THBS4: variants seen among roughly 807,000 people sequenced by gnomAD.
THBS4 encodes thrombospondin 4.
In THBS4, 90 loss-of-function variants were observed where a neutral mutation model predicts 115.7. The ratio of observed to expected loss-of-function variants is 0.78; its 90% CI spans 0.66 to 0.93. THBS4 has a LOEUF of 0.93. Ranked by LOEUF, THBS4 falls within the 40% of genes least tolerant of loss-of-function variation. THBS4 has a pLI of 0.00. For synonymous variants in THBS4, 460 were observed against 479.3 expected (o/e 0.96, Z 0.53); for missense variants, 1,087 against 1,232.7 (o/e 0.88, Z 1.77).
chr5:80,046,567 A>G (rs1833072251), intron 2 of THBS4, among the ~76,000 whole-genome samples: 1 of 152,202 alleles, frequency 6.6e-6, no homozygotes, highest in African/African-American at 2.4e-5. Context: ...TTTTTCTAAG[A>G]CAAAGTGGAT....
chr5:80,082,108 A>C (rs1743535338), intron 20 of THBS4: 2 of 317,030 alleles, frequency 6.3e-6, no homozygotes, highest in East Asian at 1.1e-4. Context: ...TTTTAACTCA[A>C]GTTTGATAGT....
chr5:79,997,841 A>C (rs2151148468), intron 1 of THBS4, among the ~76,000 whole-genome samples: 1 of 152,362 alleles, frequency 6.6e-6, no homozygotes, highest in African/African-American at 2.4e-5. Context: ...CAATAACAGA[A>C]AGATAACAGT....
intron 1 of THBS4, chr5:80,036,110 T>C: frequency 1.0e-6 from 1 of 986,332 alleles, no homozygotes; most frequent in South Asian, 4.7e-5. Context: ...CATTTTCTGC[T>C]CTGACTTTGC....
chr5:80,071,009 T>G lies in THBS4; in HGVS notation c.1561-12T>G. 2 of 1,612,300 alleles carry G rather than the reference T, an allele frequency of 1.2e-6. No individual in the cohort carries two copies. The highest frequency in any genetic ancestry group is 1.7e-6 in the Non-Finnish European group (2 of 1,179,690). Reference sequence around the variant, plus strand: ...AAAAGTCTGAGTGATGTTCTGTCCTTTCATCTTTTAGGATAACTGTGTCCT... The same window carrying G: ...AAAAGTCTGAGTGATGTTCTGTCCTGTCATCTTTTAGGATAACTGTGTCCT... On this transcript the variant is annotated splice_polypyrimidine_tract_variant and intron_variant, in intron 12 of 21. Coordinates refer to ENST00000350881, the MANE Select transcript of THBS4 (RefSeq NM_003248.6).
chr5:80,041,704 C>A (rs1339077740), intron 2 of THBS4, among the ~76,000 whole-genome samples: 1 of 152,100 alleles, frequency 6.6e-6, no homozygotes, highest in African/African-American at 2.4e-5. Context: ...TTTTTCATTG[C>A]CTTCTCCTCC....
intron 2 of THBS4, among the ~76,000 whole-genome samples, chr5:80,017,889 A>T: frequency 6.6e-6 from 1 of 151,878 alleles, no homozygotes; most frequent in South Asian, 2.1e-4. Context: ...TTTCTTTGAC[A>T]CGTTGAAAAT....
At position 80,079,972 on chromosome 5, in the gene THBS4, G is replaced by A. The variant is rs1743407261; in HGVS notation, c.2579G>A (p.Ser860Asn). 6.2e-7 allele frequency: 1 copy of A among 1,614,050 alleles called. No individual in the cohort carries two copies. The highest frequency in any genetic ancestry group is 8.5e-7 in the Non-Finnish European group (1 of 1,180,032). The change falls in exon 20 of 22, where the codon AGT becomes AAT. Residue 860 changes from serine to asparagine, a missense_variant. By Grantham distance (46) the Ser-to-Asn change is conservative. Transcript: ENST00000350881. ...TCCCTGTGGCACACGGGGGACACCAGTGACCAGGTCAGGCTGCTGTGGAAG... is the reference window on the plus strand; with the variant it reads ...TCCCTGTGGCACACGGGGGACACCAATGACCAGGTCAGGCTGCTGTGGAAG... Reference protein sequence around the residue: ...RNSLWHTGDTSDQVRLLWKDS... With the variant: ...RNSLWHTGDTNDQVRLLWKDS...
chr5:80,065,116 A>T (rs1285458964), intron 8 of THBS4, among the ~76,000 whole-genome samples: 1 of 147,958 alleles, frequency 6.8e-6, no homozygotes, highest in Non-Finnish European at 1.5e-5. Context: ...AAGCAAGATT[A>T]AAAAAAAAAA....
intron 2 of THBS4, among the ~76,000 whole-genome samples, chr5:80,003,887 C>T (rs568680332): frequency 7.2e-5 from 11 of 152,110 alleles, no homozygotes; most frequent in Non-Finnish European, 1.2e-4. Flanking sequence ...TCATGTATCC[C>T]GGGTTTTAAA....
At chr5:80,080,629 C>G (rs1017761326) in intron 20 of THBS4, among the ~76,000 whole-genome samples, 1 of 128,528 alleles carries the variant, frequency 7.8e-6, no homozygotes, top group African/African-American at 3.0e-5. Flanking sequence ...ACTCTGTTGC[C>G]AGGCAGGAGT....
intron 2 of THBS4, among the ~76,000 whole-genome samples, chr5:80,022,899 A>G (rs1176785127): frequency 2.0e-5 from 3 of 152,068 alleles, no homozygotes; most frequent in Non-Finnish European, 4.4e-5. Flanking sequence ...TGGGCTTGGG[A>G]TCCTCGGGAT....
chr5:80,002,695 A>C (rs1334038065), intron 2 of THBS4, among the ~76,000 whole-genome samples: 1 of 150,344 alleles, frequency 6.7e-6, no homozygotes, highest in Non-Finnish European at 1.5e-5. Context: ...GAGTCCTGTA[A>C]TTGGAGATAG....
intron 1 of THBS4, among the ~76,000 whole-genome samples, chr5:79,997,577 A>C (rs1467923291): frequency 6.6e-6 from 1 of 152,152 alleles, no homozygotes; most frequent in Non-Finnish European, 1.5e-5. Context: ...AGCTATAGTT[A>C]TACCCGACAC....
chr5:80,077,165 T>A (rs1743260569), intron 16 of THBS4, 117 bp downstream of exon 16: 2 of 977,544 alleles, frequency 2.0e-6, no homozygotes, highest in African/African-American at 3.3e-5. Context: ...CATCAGCTGC[T>A]TCTCTACACC....
intron 2 of THBS4, chr5:80,052,674 G>A (rs1378982835): frequency 1.3e-5 from 2 of 152,150 alleles, no homozygotes; most frequent in Non-Finnish European, 1.5e-5. Flanking sequence ...AGAACCTCAC[G>A]CCAACTGGCT....
At chr5:80,022,503 T>C (rs928637320) in intron 2 of THBS4, among the ~76,000 whole-genome samples, 7 of 152,350 alleles carry the variant, frequency 4.6e-5, no homozygotes, top group African/African-American at 1.7e-4. Flanking sequence ...AAAAATTCTT[T>C]ACCATAATAC....
intron 2 of THBS4, among the ~76,000 whole-genome samples, chr5:80,007,531 G>A (rs965863104): frequency 6.6e-6 from 1 of 152,178 alleles, no homozygotes; most frequent in East Asian, 1.9e-4. Context: ...CCCCACTACC[G>A]TCCACCATGT....
chr5:80,020,100 G>A (rs996601597), intron 2 of THBS4, among the ~76,000 whole-genome samples: 5 of 152,186 alleles, frequency 3.3e-5, no homozygotes, highest in South Asian at 2.1e-4. Context: ...ATTCTAGAGC[G>A]AATGCTGTCT....
At chr5:80,049,454 T>C (rs1833182437) in intron 2 of THBS4, among the ~76,000 whole-genome samples, 1 of 152,098 alleles carries the variant, frequency 6.6e-6, no homozygotes, top group African/African-American at 2.4e-5. Flanking sequence ...AGAGATGGGG[T>C]TTCACCATGT....
Sources: allele counts gnomAD v4.1 joint callset (sites outside exome capture counted in the v4.1 genomes callset), GRCh38; gene constraint gnomAD v4.1.1; transcripts MANE v1.5; gene names NCBI Gene and HGNC (gene_info 2026-07-23, HGNC 2026-07-21).